Variants in LIMCH1 observed in about 807,000 individuals in gnomAD.
The protein encoded by LIMCH1 is LIM and calponin homology domains 1.
LIMCH1 carries 113 observed loss-of-function variants against 176.5 expected under a neutral mutation model. That is an observed-to-expected ratio of 0.64 (90% CI 0.55 to 0.75). The LOEUF is 0.75. Among genes scored for constraint, LIMCH1 ranks in the 30% least tolerant of loss-of-function variants. LIMCH1 has a pLI of 0.00. For missense variants in LIMCH1, 1,674 were observed against 1,814.9 expected (o/e 0.92, Z 1.41); for synonymous variants, 619 against 645.9 (o/e 0.96, Z 0.63).
At chr4:41,531,384 TA>T (rs11334907) in intron 3 of LIMCH1, among the ~76,000 whole-genome samples, 2,979 of 150,186 alleles carry the variant, frequency 0.02, 104 homozygotes, top group African/African-American at 0.068. Context: ...ACTGGAGTCT[TA>T]AAAAAAAAGT....
intron 1 of LIMCH1, among the ~76,000 whole-genome samples, chr4:41,445,344 C>T (rs1238642408): frequency 5.9e-5 from 9 of 152,186 alleles, no homozygotes; most frequent in Admixed American, 2.6e-4. Context: ...ATTTATATCT[C>T]AAACCTCTGA....
chr4:41,461,446 AAAG>A (rs1222891493), intron 1 of LIMCH1, among the ~76,000 whole-genome samples: 4 of 152,252 alleles, frequency 2.6e-5, no homozygotes, highest in African/African-American at 7.2e-5. Flanking sequence ...TTACTTTAAA[AAAG>A]AAGAAGATAA....
At chr4:41,643,071 C>A (rs943660576) in intron 14 of LIMCH1, among the ~76,000 whole-genome samples, 1 of 152,196 alleles carries the variant, frequency 6.6e-6, no homozygotes, top group Non-Finnish European at 1.5e-5. Context: ...GTTTAGTTCT[C>A]TTAGACTTAA....
intron 1 of LIMCH1, among the ~76,000 whole-genome samples, chr4:41,444,544 C>T (rs974225393): frequency 2.0e-5 from 3 of 152,166 alleles, no homozygotes; most frequent in Non-Finnish European, 4.4e-5. Context: ...TTGGCCAACA[C>T]AATGGCGTCT....
intron 4 of LIMCH1, among the ~76,000 whole-genome samples, chr4:41,609,199 A>G (rs2091119717): frequency 1.3e-5 from 2 of 151,588 alleles, no homozygotes; most frequent in Admixed American, 1.3e-4. Context: ...TCTCTGCCTA[A>G]AAGAGCAACC....
chr4:41,601,280 C>A (rs2089874930), intron 2 of LIMCH1, among the ~76,000 whole-genome samples: 1 of 152,130 alleles, frequency 6.6e-6, no homozygotes. Flanking sequence ...AAGATCATTG[C>A]AGGAAGTGAT....
At chr4:41,495,026 G>C (rs985847062) in intron 2 of LIMCH1, among the ~76,000 whole-genome samples, 3 of 152,172 alleles carry the variant, frequency 2.0e-5, no homozygotes, top group African/African-American at 7.2e-5. Context: ...GCCGGGTAAT[G>C]CTCCTCACTT....
chr4:41,376,573 A>G (rs1338113886), intron 1 of LIMCH1, among the ~76,000 whole-genome samples: 1 of 152,172 alleles, frequency 6.6e-6, no homozygotes, highest in Non-Finnish European at 1.5e-5. Flanking sequence ...ACCTTGCAAT[A>G]GCAATTGAAA....
chr4:41,693,500 A>T (rs893731035), intron 31 of LIMCH1, among the ~76,000 whole-genome samples: 1 of 151,560 alleles, frequency 6.6e-6, no homozygotes, highest in Non-Finnish European at 1.5e-5. Context: ...AGCCGCTGCT[A>T]TCAAACTGGA....
chr4:41,366,109 T>A (rs539117786), intron 1 of LIMCH1, among the ~76,000 whole-genome samples: 2 of 152,342 alleles, frequency 1.3e-5, no homozygotes, highest in African/African-American at 4.8e-5. Flanking sequence ...CTCTTTTTGC[T>A]TTAGACCATT....
chr4:41,660,455 C>T (rs2094581759), intron 18 of LIMCH1, among the ~76,000 whole-genome samples: 1 of 152,148 alleles, frequency 6.6e-6, no homozygotes, highest in South Asian at 2.1e-4. Flanking sequence ...ATCACAGAGA[C>T]TTCTTAGTGG....
At chr4:41,623,776 A>G (rs899162576) in intron 7 of LIMCH1, among the ~76,000 whole-genome samples, 1 of 152,202 alleles carries the variant, frequency 6.6e-6, no homozygotes, top group Non-Finnish European at 1.5e-5. Flanking sequence ...AAGGCAGTAT[A>G]CAAAAGGGAG....
At chr4:41,665,653 G>A (rs137913622) in intron 20 of LIMCH1, among the ~76,000 whole-genome samples, 1 of 152,168 alleles carries the variant, frequency 6.6e-6, no homozygotes, top group African/African-American at 2.4e-5. Flanking sequence ...ATCAGAGAAG[G>A]TCCTGCGAGC....
intron 1 of LIMCH1, among the ~76,000 whole-genome samples, chr4:41,548,427 G>A (rs972194236): frequency 2.0e-5 from 3 of 151,848 alleles, no homozygotes; most frequent in Non-Finnish European, 2.9e-5. Context: ...CTTTGCCCCC[G>A]CTCCACCAAA....
At chr4:41,533,687 A>T (rs954845447), upstream of LIMCH1, among the ~76,000 whole-genome samples, 1 of 152,358 alleles carries the variant, frequency 6.6e-6, no homozygotes, top group Admixed American at 6.5e-5. Flanking sequence ...TGTAAGGTAG[A>T]CTGTGAAATG....
intron 3 of LIMCH1, among the ~76,000 whole-genome samples, chr4:41,532,188 G>T (rs983327114): frequency 6.6e-6 from 1 of 152,122 alleles, no homozygotes; most frequent in East Asian, 1.9e-4. Flanking sequence ...AAACACACGA[G>T]GTCTTTGGTG....
chr4:41,467,140 T>G (rs2066238762), intron 1 of LIMCH1, among the ~76,000 whole-genome samples: 1 of 113,250 alleles, frequency 8.8e-6, no homozygotes, highest in African/African-American at 4.8e-5. Flanking sequence ...TTCCCATATA[T>G]ATATGTGTAT....
intron 1 of LIMCH1, among the ~76,000 whole-genome samples, chr4:41,408,323 G>A (rs1422211655): frequency 1.3e-5 from 2 of 152,164 alleles, no homozygotes; most frequent in Admixed American, 1.3e-4. Context: ...CTCGCCCTGA[G>A]AAATACTCAT....
chr4:41,590,400 G>T (rs4128422), intron 1 of LIMCH1, among the ~76,000 whole-genome samples: 13,115 of 151,992 alleles, frequency 0.086, 1,840 homozygotes, highest in African/African-American at 0.3. Context: ...TCTTATAGTA[G>T]CCTCTTAAAT....
Sources: gnomAD v4.1 joint callset for allele counts (sites outside exome capture counted in the v4.1 genomes callset) on GRCh38, gnomAD v4.1.1 for gene constraint, MANE v1.5 for transcripts, NCBI Gene and HGNC (gene_info 2026-07-23, HGNC 2026-07-21) for gene names.